The following PCDHAC1 variants were observed in gnomAD, a reference collection of about 807,000 sequenced individuals.
PCDHAC1 encodes protocadherin alpha-C1.
PCDHAC1 carries 42 observed loss-of-function variants against 60.0 expected under a neutral mutation model. That is an observed-to-expected ratio of 0.70 (90% CI 0.55 to 0.90). PCDHAC1 has a LOEUF of 0.90. Ranked by LOEUF, PCDHAC1 falls within the 40% of genes least tolerant of loss-of-function variation. The pLI, the probability that PCDHAC1 is intolerant of heterozygous loss-of-function variation, is 0.00. For missense variants in PCDHAC1, 1,160 were observed against 1,222.3 expected (o/e 0.95, Z 0.76); for synonymous variants, 468 against 499.3 (o/e 0.94, Z 0.84).
chr5:140,965,527 A>G (rs2095909626), intron 1 of PCDHAC1, among the ~76,000 whole-genome samples: 1 of 151,946 alleles, frequency 6.6e-6, no homozygotes, highest in Non-Finnish European at 1.5e-5. Flanking sequence ...CAAAGCATTA[A>G]TGGAATCCAA....
At chr5:140,984,965 T>G (rs2097128606) in intron 3 of PCDHAC1, among the ~76,000 whole-genome samples, 1 of 151,666 alleles carries the variant, frequency 6.6e-6, no homozygotes, top group Non-Finnish European at 1.5e-5. Context: ...TGAGACAGAG[T>G]CTCGCTCTGT....
chr5:140,938,973 G>A (rs112209995), intron 1 of PCDHAC1, among the ~76,000 whole-genome samples: 3 of 152,224 alleles, frequency 2.0e-5, no homozygotes, highest in East Asian at 1.9e-4. Context: ...TTGGCATCAA[G>A]GCTATCCTGG....
chr5:140,936,674 T>C (rs1410690822), intron 1 of PCDHAC1, among the ~76,000 whole-genome samples: 6 of 152,228 alleles, frequency 3.9e-5, no homozygotes, highest in African/African-American at 1.4e-4. Context: ...GGACTGTCTA[T>C]TCTGTTTCAT....
At chr5:140,969,064 C>T (rs2096292525) in intron 1 of PCDHAC1, 1 of 1,614,136 alleles carries the variant, frequency 6.2e-7, no homozygotes, top group Non-Finnish European at 8.5e-7. Context: ...ATATTGATGC[C>T]AGGATACCGC....
rs2084949063 is a variant in PCDHAC1, at chr5:140,928,115, T to A, written c.1223T>A (p.Ile408Asn). Residue 408 changes from isoleucine to asparagine, a missense_variant, in exon 1 of 4, where the codon ATC becomes AAC. Physicochemically the swap from Ile to Asn is moderately radical, Grantham distance 149. Transcript: ENST00000253807. ...LIDGPLDREQ[I>N]SEYQVLITAS... Reference sequence around the variant, plus strand: ...GATGGGCCCCTGGACCGGGAGCAGATCAGTGAATACCAAGTCCTGATCACG... The same window carrying A: ...GATGGGCCCCTGGACCGGGAGCAGAACAGTGAATACCAAGTCCTGATCACG... 6.2e-7 allele frequency: 1 copy of A among 1,614,164 alleles called. No homozygotes were observed. The highest frequency in any genetic ancestry group is 2.2e-5 in the East Asian group (1 of 44,860).
At chr5:141,005,113 G>A (rs2098197843) in intron 3 of PCDHAC1, among the ~76,000 whole-genome samples, 1 of 152,184 alleles carries the variant, frequency 6.6e-6, no homozygotes, top group South Asian at 2.1e-4. Flanking sequence ...ATTGTCTTTA[G>A]GGACCCCAAA....
At chr5:140,931,758 A>G (rs1374881766) in intron 1 of PCDHAC1, among the ~76,000 whole-genome samples, 1 of 151,944 alleles carries the variant, frequency 6.6e-6, no homozygotes, top group African/African-American at 2.4e-5. Flanking sequence ...GGCATTTGTT[A>G]TTTACTTCTT....
In PCDHAC1 at chr5:140,982,550, C is replaced by T. The variant is rs1554244485; in HGVS notation, c.2568C>T (p.Ser856=). ...CTGATCAGCAGTGGCCAACAGTATC[C>T]AGTGCAACACCAGGTAAAGAGCTGG... The part of the protein sequence containing the change: ...GGPDQQWPTV[S]SATPEPEAGE... The change falls in exon 3 of 4, where the codon TCC becomes TCT. Residue 856 remains serine, a synonymous_variant. Transcript: ENST00000253807. The T allele has an allele frequency of 6.2e-7, 1 of 1,614,176 alleles. No homozygotes were observed. The highest frequency in any genetic ancestry group is 1.7e-5 in the Admixed American group (1 of 60,028).
At chr5:140,995,500 G>A (rs541415385) in intron 3 of PCDHAC1, among the ~76,000 whole-genome samples, 22 of 152,298 alleles carry the variant, frequency 1.4e-4, no homozygotes, top group Admixed American at 1.2e-3. Flanking sequence ...AAGGTTGACT[G>A]TGGGTAACTG....
In PCDHAC1 at chr5:140,926,929, G is replaced by T; in HGVS notation, c.37G>T (p.Val13Phe). ...TGGGGTGGCAGTTTTATGTTTGTGG[G>T]TTTCCTGCGGCGCTGCAGCGGGACA... Reference protein sequence around the residue: ...GCGVAVLCLWVSCGAAAGQLE... With the variant: ...GCGVAVLCLWFSCGAAAGQLE... Residue 13 changes from valine to phenylalanine, a missense_variant, in exon 1 of 4, where the codon GTT becomes TTT. This residue lies in a region of PCDHAC1 where 43 missense variants were observed against 40.4 expected (regional missense o/e 1.06). Coordinates refer to ENST00000253807, the MANE Select transcript of PCDHAC1 (RefSeq NM_018898.5). The T allele has an allele frequency of 1.3e-6, 2 of 1,575,722 alleles. No individual in the cohort carries two copies. Among genetic ancestry groups the T allele is most frequent in the South Asian group, 2.3e-5 (2 of 85,114 alleles).
rs1342030965 is a variant in PCDHAC1 at position 140,955,208 on chromosome 5, C to G, written c.2434-23741C>G. ...GGTGTATATGAAGTCAATCAAGTAG[C>G]ATGATGCCTCCAGCTTTGTTCTTTT... On this transcript the variant is annotated intron_variant, in intron 1 of 3. Transcript: ENST00000253807. 2.6e-5 allele frequency among the ~76,000 whole-genome samples: 4 copies of G among 152,140 alleles called. No individual in the cohort carries two copies. In the East Asian group the frequency reaches 7.7e-4, roughly 29 times the overall value.
rs149218057 is a variant in PCDHAC1, at chr5:140,926,964, C to G, written c.72C>G (p.Tyr24Ter). The change falls in exon 1 of 4, where the codon TAC becomes TAG. Residue 24 changes from tyrosine (Y) to a stop codon, truncating the protein, a stop_gained. Coordinates refer to ENST00000253807, the MANE Select transcript of PCDHAC1 (RefSeq NM_018898.5). LOFTEE classifies it high-confidence loss of function. ...SCGAAAGQLE[Y>*]SVPEETERGV... ...GCGCTGCAGCGGGACAGCTCGAGTA[C>G]TCAGTGCCGGAGGAGACGGAGCGGG... 3 of 1,606,346 alleles carry G rather than the reference C, an allele frequency of 1.9e-6. No homozygotes were observed. Among genetic ancestry groups the G allele is most frequent in the African/African-American group, 2.7e-5 (2 of 74,928 alleles).
At chr5:140,958,264 A>G (rs2153717297) in intron 1 of PCDHAC1, among the ~76,000 whole-genome samples, 1 of 152,230 alleles carries the variant, frequency 6.6e-6, no homozygotes, top group Admixed American at 6.5e-5. Flanking sequence ...TTAATTTGGT[A>G]CAAGAAGTAT....
intron 1 of PCDHAC1, among the ~76,000 whole-genome samples, chr5:140,969,822 G>C (rs559271640): frequency 2.0e-5 from 3 of 152,202 alleles, no homozygotes; most frequent in Non-Finnish European, 4.4e-5. Context: ...ACTCTGGACT[G>C]TCTACAGTGG....
chr5:140,941,202 C>CTTTCTGTCTTTCTTT (rs1554213921), intron 1 of PCDHAC1, among the ~76,000 whole-genome samples: 1 of 122,742 alleles, frequency 8.1e-6, no homozygotes, highest in African/African-American at 3.0e-5. Context: ...TTTCTTTCTT[C>CTTTCTGTCTTTCTTT]CTTTCTTTCT....
At chr5:140,942,838 A>G (rs2093377015) in intron 1 of PCDHAC1, among the ~76,000 whole-genome samples, 1 of 152,198 alleles carries the variant, frequency 6.6e-6, no homozygotes, top group Non-Finnish European at 1.5e-5. Context: ...GTCAATAAAA[A>G]TTCCAGTAAG....
intron 1 of PCDHAC1, among the ~76,000 whole-genome samples, chr5:140,960,124 T>C (rs966679082): frequency 3.3e-5 from 5 of 152,216 alleles, no homozygotes; most frequent in African/African-American, 1.2e-4. Flanking sequence ...GTATTCCTTA[T>C]GAAATACTTA....
chr5:141,009,889 G>A lies in PCDHAC1; in HGVS notation c.2844G>A (p.Gln948=). ...KKKKKKGNKT[Q]EKKEKGNSTT... is the part of the protein sequence containing the mutation. ...AAAAGAAGAAGGGTAACAAGACCCAGGAGAAAAAAGAGAAAGGGAACAGCA... is the reference window on the plus strand; with the variant it reads ...AAAAGAAGAAGGGTAACAAGACCCAAGAGAAAAAAGAGAAAGGGAACAGCA... Residue 948 remains glutamine, a synonymous_variant, in exon 4 of 4, where the codon CAG becomes CAA. Transcript: ENST00000253807. 6.2e-7 allele frequency: 1 copy of A among 1,612,866 alleles called. No homozygotes were observed. Among genetic ancestry groups the A allele is most frequent in the South Asian group, 1.1e-5 (1 of 90,852 alleles).
rs530119651 is a variant in PCDHAC1, at chr5:140,965,991, T to A, written c.2434-12958T>A. ...CCTAGGAGTTGAGCACTTTCTGCAG[T>A]ACTTAAGAGTGTCCAGGGAAGATGT... On this transcript the variant is annotated intron_variant, in intron 1 of 3. Transcript: ENST00000253807. Among the ~76,000 whole-genome samples, 253 of 152,310 alleles carry A rather than the reference T, an allele frequency of 1.7e-3. 2 individuals carry two copies. Among genetic ancestry groups the A allele is most frequent in the Non-Finnish European group, 2.4e-3 (164 of 68,034 alleles).
Sources: gnomAD v4.1 joint callset for allele counts (sites outside exome capture counted in the v4.1 genomes callset) on GRCh38, gnomAD v4.1.1 for gene constraint, gnomAD v4.1.1 regional missense constraint, MANE v1.5 for transcripts, NCBI Gene and HGNC (gene_info 2026-07-23, HGNC 2026-07-21) for gene names.